SAMD3: variants seen among roughly 807,000 people sequenced by gnomAD.
The protein encoded by SAMD3 is sterile alpha motif domain containing 3.
Under a neutral mutation model 58.5 loss-of-function variants are expected in SAMD3, and 63 were observed. The observed-to-expected ratio is 1.08, with a 90% confidence interval of 0.88 to 1.33. The LOEUF (loss-of-function observed/expected upper bound fraction) is 1.33, where lower values mean the gene tolerates loss of function less well. Ranked by LOEUF, SAMD3 falls within the 40% of genes most tolerant of loss-of-function variation. The probability of loss-of-function intolerance (pLI) is 0.00; values close to 1 mark genes in which losing one functional copy is unlikely to be tolerated. For synonymous variants in SAMD3, 220 were observed against 210.3 expected, an observed-to-expected ratio of 1.05 and a Z score of -0.40; for missense variants, 604 against 608.4, an observed-to-expected ratio of 0.99 and a Z score of 0.08.
chr6:130,207,216 G>C (rs186694374), intron 5 of SAMD3, among the ~76,000 whole-genome samples: 1 of 151,478 alleles, frequency 6.6e-6, no homozygotes, highest in Admixed American at 6.6e-5. Flanking sequence ...GGTATAGAAG[G>C]TTGCATCCTC....
chr6:130,149,477 A>G (rs1788938955), intron 9 of SAMD3, among the ~76,000 whole-genome samples: 2 of 152,252 alleles, frequency 1.3e-5, no homozygotes, highest in South Asian at 2.1e-4. Context: ...ATGCCCATCA[A>G]TAGCAGACTG....
At chr6:130,279,918 G>C (rs1774923790) in intron 2 of SAMD3, among the ~76,000 whole-genome samples, 1 of 152,024 alleles carries the variant, frequency 6.6e-6, no homozygotes, top group Non-Finnish European at 1.5e-5. Context: ...TAGTCTTTGA[G>C]CTGCACCTCC....
intron 7 of SAMD3, among the ~76,000 whole-genome samples, chr6:130,178,278 G>T (rs1791925493): frequency 6.6e-6 from 1 of 152,056 alleles, no homozygotes; most frequent in Non-Finnish European, 1.5e-5. Context: ...GCGCCCGGCT[G>T]GCCCAACCCT....
At chr6:130,266,836 T>C (rs1405222574) in intron 2 of SAMD3, among the ~76,000 whole-genome samples, 1 of 152,130 alleles carries the variant, frequency 6.6e-6, no homozygotes, top group African/African-American at 2.4e-5. Flanking sequence ...CCATAGGTGA[T>C]TGGAAAGATG....
At chr6:130,214,919 G>T (rs1006622059) in intron 3 of SAMD3, among the ~76,000 whole-genome samples, 2 of 152,048 alleles carry the variant, frequency 1.3e-5, no homozygotes, top group South Asian at 2.1e-4. Context: ...AAGAACAAAA[G>T]CAATATTAAA....
chr6:130,284,117 T>G (rs1026408360), intron 2 of SAMD3, among the ~76,000 whole-genome samples: 3 of 152,192 alleles, frequency 2.0e-5, no homozygotes. Flanking sequence ...CCTCCCAAAG[T>G]GTTGGGATTA....
intron 5 of SAMD3, among the ~76,000 whole-genome samples, chr6:130,191,095 A>G (rs1183528353): frequency 6.6e-6 from 1 of 151,556 alleles, no homozygotes; most frequent in African/African-American, 2.4e-5. Context: ...ACATTTTCCA[A>G]CTGTCATATG....
At chr6:130,313,675 G>A (rs1333149606) in intron 1 of SAMD3, among the ~76,000 whole-genome samples, 1 of 152,186 alleles carries the variant, frequency 6.6e-6, no homozygotes, top group African/African-American at 2.4e-5. Flanking sequence ...CATAGAGGTA[G>A]AAGAGGGCCA....
intron 5 of SAMD3, among the ~76,000 whole-genome samples, chr6:130,185,368 C>G (rs979619072): frequency 6.6e-6 from 1 of 152,066 alleles, no homozygotes; most frequent in East Asian, 1.9e-4. Flanking sequence ...CTCACTCTGT[C>G]GCCAGGCTGG....
intron 1 of SAMD3, among the ~76,000 whole-genome samples, chr6:130,217,670 A>C (rs1469329929): frequency 6.6e-6 from 1 of 152,246 alleles, no homozygotes; most frequent in African/African-American, 2.4e-5. Context: ...TCAAGGGACA[A>C]TCTAACATAT....
Position 130,335,088 on chromosome 6 carries a change from G to A in SAMD3, c.-303-21995C>T, listed in dbSNP as rs138149509. ...GCAGCAAAGGGTTAGGCTCCCAGCC[G>A]CTATTTTTCTCAAAGTTGGCTTTCC... On this transcript the variant is annotated intron_variant, in intron 1 of 13. Coordinates refer to the SAMD3 transcript ENST00000368134. 1.1e-3 allele frequency among the ~76,000 whole-genome samples: 170 copies of A among 152,302 alleles called. No homozygotes were observed. The East Asian group carries it at 0.02, about 18-fold the overall frequency.
intron 2 of SAMD3, among the ~76,000 whole-genome samples, chr6:130,248,366 C>A (rs1773626875): frequency 6.6e-6 from 1 of 152,162 alleles, no homozygotes. Context: ...CTGCAGGGAG[C>A]AGTGTTCCTC....
chr6:130,337,794 T>C (rs1257902952), intron 1 of SAMD3, among the ~76,000 whole-genome samples: 1 of 152,178 alleles, frequency 6.6e-6, no homozygotes, highest in Non-Finnish European at 1.5e-5. Context: ...TAGAGATCTG[T>C]GGAACTTTGA....
At chr6:130,280,105 T>A (rs1001210710) in intron 2 of SAMD3, among the ~76,000 whole-genome samples, 1 of 152,190 alleles carries the variant, frequency 6.6e-6, no homozygotes, top group Non-Finnish European at 1.5e-5. Context: ...CAAACTCAAA[T>A]GTTTTCTGTT....
At chr6:130,356,014 C>CT (rs1777817457) in intron 1 of SAMD3, among the ~76,000 whole-genome samples, 1 of 152,142 alleles carries the variant, frequency 6.6e-6, no homozygotes, top group South Asian at 2.1e-4. Context: ...TTGTCTGTTC[C>CT]TTTTTTTCAA....
upstream of SAMD3, chr6:130,365,591 C>T (rs1364525022): frequency 2.0e-6 from 2 of 985,294 alleles, no homozygotes; most frequent in Non-Finnish European, 2.4e-6. Context: ...CCAGCCGCTC[C>T]GGAGAACTGG....
At chr6:130,221,067 G>C (rs1179570527) in intron 1 of SAMD3, among the ~76,000 whole-genome samples, 4 of 151,888 alleles carry the variant, frequency 2.6e-5, no homozygotes, top group Non-Finnish European at 4.4e-5. Flanking sequence ...TGTTAGCCAG[G>C]ATGGTCTCGA....
intron 1 of SAMD3, among the ~76,000 whole-genome samples, chr6:130,316,630 G>C (rs1776382887): frequency 6.6e-6 from 1 of 152,102 alleles, no homozygotes; most frequent in African/African-American, 2.4e-5. Context: ...GAAATGCTTG[G>C]CCCAAGTGTA....
chr6:130,198,974 A>G (rs982073210), intron 5 of SAMD3, among the ~76,000 whole-genome samples: 2 of 152,138 alleles, frequency 1.3e-5, no homozygotes, highest in Non-Finnish European at 2.9e-5. Flanking sequence ...CACAAATTGT[A>G]CCTTTCTCCA....
Sources: gnomAD v4.1 joint callset for allele counts (sites outside exome capture counted in the v4.1 genomes callset) on GRCh38, gnomAD v4.1.1 for gene constraint, MANE v1.5 for transcripts, NCBI Gene and HGNC (gene_info 2026-07-23, HGNC 2026-07-21) for gene names.